Variants in NDUFAF3 observed in about 807,000 individuals in gnomAD.
The protein encoded by NDUFAF3 is NADH dehydrogenase [ubiquinone] 1 alpha subcomplex assembly factor 3.
Under a neutral mutation model 22.6 loss-of-function variants are expected in NDUFAF3, and 21 were observed. The ratio of observed to expected loss-of-function variants is 0.93; its 90% CI spans 0.66 to 1.34. The LOEUF (loss-of-function observed/expected upper bound fraction) is 1.34, where lower values mean the gene tolerates loss of function less well. Ranked by LOEUF, NDUFAF3 falls within the 40% of genes most tolerant of loss-of-function variation. NDUFAF3 has a pLI of 0.00. For missense variants in NDUFAF3, 251 were observed against 248.4 expected, an observed-to-expected ratio of 1.01 and a Z score of -0.07; for synonymous variants, 113 against 104.9, an observed-to-expected ratio of 1.08 and a Z score of -0.47.
rs2093180750 is a variant in NDUFAF3 at position 49,023,381 on chromosome 3, A to G, written c.*209A>G. On this transcript the variant is annotated 3_prime_UTR_variant, in exon 5 of 5. Coordinates refer to ENST00000326925, the MANE Select transcript of NDUFAF3 (RefSeq NM_199069.2). ...AAACCAAGGAGTCACTTTTTCATCT[A>G]GATTACTTAGGATTCCTTGACTTTT... 1.6e-6 allele frequency: 1 copy of G among 620,192 alleles called. No individual in the cohort carries two copies. 38.4% of individuals were successfully genotyped at this position (620,192 alleles called of 1,614,324 possible).
At chr3:49,021,327 A>G (rs1052698971), upstream of NDUFAF3, 2 of 152,290 alleles carry the variant, frequency 1.3e-5, no homozygotes, top group Non-Finnish European at 2.9e-5. This position sits in a 1 kb window ranked among gnomAD's most constrained non-coding sequence, Gnocchi z 4.1. Flanking sequence ...CTCTCGCGCC[A>G]GTAGGCCCTT....
rs553989286 is a variant in NDUFAF3 at position 49,022,652 on chromosome 3, G to C, written c.271-50G>C. 29 of 1,613,302 alleles carry C rather than the reference G, an allele frequency of 1.8e-5. No individual in the cohort carries two copies. The African/African-American group carries it at 3.7e-4, about 21-fold the overall frequency. On this transcript the variant is annotated intron_variant, in intron 2 of 4. Transcript: ENST00000326925. The surrounding 1 kb of genome is among the most constrained non-coding windows in gnomAD (Gnocchi z 6.6). ...CTCCTCCTGCAGTGGATGGAGATGG[G>C]GAGAGGCTGCGTGGATTTGTCGTAT...
At position 49,022,194 on chromosome 3, in the gene NDUFAF3, T is replaced by C. The variant is rs777258056; in HGVS notation, c.50T>C (p.Leu17Pro). ...AGCTTGTACCGAGCGCGACCCTCGCTGCGCTGTCCGCCCGTTGAGCTTCCC... is the reference window on the plus strand; with the variant it reads ...AGCTTGTACCGAGCGCGACCCTCGCCGCGCTGTCCGCCCGTTGAGCTTCCC... Reference protein sequence around the residue: ...LRSLYRARPSLRCPPVELPWA... With the variant: ...LRSLYRARPSPRCPPVELPWA... The change falls in exon 1 of 5, where the codon CTG becomes CCG. Residue 17 changes from leucine to proline, a missense_variant. Physicochemically the swap from Leu to Pro is moderately conservative, Grantham distance 98. Transcript: ENST00000326925. The surrounding 1 kb of genome is among the most constrained non-coding windows in gnomAD (Gnocchi z 6.6). The C allele has an allele frequency of 1.1e-5, 18 of 1,610,886 alleles. No homozygotes were observed. The highest frequency in any genetic ancestry group is 1.5e-5 in the Non-Finnish European group (18 of 1,179,664).
At position 49,023,134 on chromosome 3, in the gene NDUFAF3, G is replaced by A. The variant is rs751452220; in HGVS notation, c.517G>A (p.Gly173Arg). Residue 173 changes from glycine (G) to arginine (R), a missense_variant, in exon 5 of 5, where the codon GGG (glycine) becomes AGG (arginine). By Grantham distance (125) the Gly-to-Arg change is moderately radical. Coordinates refer to ENST00000326925, the MANE Select transcript of NDUFAF3 (RefSeq NM_199069.2). ...TGAALIPPPG[G>R]TSLTSLGQAA... ...AGCTGCTCTCATCCCTCCACCAGGA[G>A]GGACTTCACTTACATCTTTGGGCCA... 1.1e-5 allele frequency: 18 copies of A among 1,614,176 alleles called. No individual in the cohort carries two copies. In the South Asian group the frequency reaches 2.0e-4, roughly 18 times the overall value.
rs1445937687 is a variant in NDUFAF3 at position 49,022,195 on chromosome 3, G to T, written c.51G>T (p.Leu17=). The change falls in exon 1 of 5, where the codon CTG becomes CTT. Residue 17 remains leucine (L), a synonymous_variant. Transcript: ENST00000326925. The surrounding 1 kb of genome is among the most constrained non-coding windows in gnomAD (Gnocchi z 6.6). ...LRSLYRARPS[L]RCPPVELPWA... is the part of the protein sequence containing the mutation. Reference sequence around the variant, plus strand: ...GCTTGTACCGAGCGCGACCCTCGCTGCGCTGTCCGCCCGTTGAGCTTCCCT... The same window carrying T: ...GCTTGTACCGAGCGCGACCCTCGCTTCGCTGTCCGCCCGTTGAGCTTCCCT... 1.2e-6 allele frequency: 2 copies of T among 1,610,680 alleles called. No homozygotes were observed. Among genetic ancestry groups the T allele is most frequent in the South Asian group, 2.2e-5 (2 of 91,078 alleles).
At position 49,022,747 on chromosome 3, in the gene NDUFAF3, T is replaced by C; in HGVS notation, c.316T>C (p.Trp106Arg). Residue 106 changes from tryptophan (W) to arginine (R), a missense_variant, in exon 3 of 5, where the codon TGG becomes CGG. Coordinates refer to ENST00000326925, the MANE Select transcript of NDUFAF3 (RefSeq NM_199069.2). This position sits in a 1 kb window ranked among gnomAD's most constrained non-coding sequence, Gnocchi z 6.6. The part of the protein sequence containing the change: ...DITEDSFSLF[W>R]LLEPRIEIVV... The stretch of plus-strand genomic sequence containing the variant: ...CACCGAAGACAGCTTTTCCCTCTTC[T>C]GGTTGCTGGAGCCCCGGATAGGTAC... 6.2e-7 allele frequency: 1 copy of C among 1,614,026 alleles called. No individual in the cohort carries two copies. The highest frequency in any genetic ancestry group is 8.5e-7 in the Non-Finnish European group (1 of 1,180,000).
At chr3:49,020,957 C>T (rs2093150997), upstream of NDUFAF3, 1 of 170,756 alleles carries the variant, frequency 5.9e-6, no homozygotes, top group Non-Finnish European at 1.3e-5. Context: ...GAAGCCTGGG[C>T]CACTGGTGCG....
Position 49,022,251 on chromosome 3 carries a change from C to T in NDUFAF3, c.77+30C>T, listed in dbSNP as rs368784748. The T allele has an allele frequency of 1.9e-6, 3 of 1,609,714 alleles. No individual in the cohort carries two copies. Among genetic ancestry groups the T allele is most frequent in the Non-Finnish European group, 2.5e-6 (3 of 1,179,410 alleles). On this transcript the variant is annotated intron_variant, in intron 1 of 4. Transcript: ENST00000326925. This position sits in a 1 kb window ranked among gnomAD's most constrained non-coding sequence, Gnocchi z 6.6. Reference sequence around the variant, plus strand: ...GCTTGGACCCCGCGCCCTCGACCATCCAGCCCCCTAGGGCCGGCGACTGCC... The same window carrying T: ...GCTTGGACCCCGCGCCCTCGACCATTCAGCCCCCTAGGGCCGGCGACTGCC...
At position 49,022,758 on chromosome 3, in the gene NDUFAF3, GC is replaced by G. The variant is rs1327597362; in HGVS notation, c.331del (p.Arg111GlyfsTer2). 28 of 1,613,934 alleles carry G rather than the reference GC, an allele frequency of 1.7e-5. No homozygotes were observed. The highest frequency in any genetic ancestry group is 2.4e-5 in the Non-Finnish European group (28 of 1,180,040). On this transcript the variant is annotated frameshift_variant, in exon 3 of 5. Coordinates refer to ENST00000326925, the MANE Select transcript of NDUFAF3 (RefSeq NM_199069.2). LOFTEE classifies it high-confidence loss of function. This position sits in a 1 kb window ranked among gnomAD's most constrained non-coding sequence, Gnocchi z 6.6. Reference sequence around the variant, plus strand: ...GCTTTTCCCTCTTCTGGTTGCTGGAGCCCCGGATAGGTACTGGGGAAGGGGA... The same window carrying G: ...GCTTTTCCCTCTTCTGGTTGCTGGAGCCCGGATAGGTACTGGGGAAGGGGA... ...DSFSLFWLLE[P>X]RIEIVVVGTG... is the part of the protein sequence containing the mutation.
At chr3:49,020,823 TCTAGAGGGAACAAGACGCTCAC>T, upstream of NDUFAF3, 1 of 366,462 alleles carries the variant, frequency 2.7e-6, no homozygotes, top group Admixed American at 3.4e-5. Context: ...TGAAACGGAG[TCTAGAGGGAACAAGACGCTCAC>T]CTGGGCCACA....
At chr3:49,021,452 G>A (rs2093156199), upstream of NDUFAF3, 1 of 153,272 alleles carries the variant, frequency 6.5e-6, no homozygotes, top group African/African-American at 2.4e-5. This position sits in a 1 kb window ranked among gnomAD's most constrained non-coding sequence, Gnocchi z 4.1. Flanking sequence ...GCCTGGTCTG[G>A]GCCAGCCGAA....
Position 49,022,803 on chromosome 3 carries a change from T to C in NDUFAF3, c.337+35T>C. On this transcript the variant is annotated intron_variant, in intron 3 of 4. Transcript: ENST00000326925. This position sits in a 1 kb window ranked among gnomAD's most constrained non-coding sequence, Gnocchi z 6.6. ...AAGGGGAGGGAGAACAGAGGTGTTC[T>C]GGGCCCCAGAAGGCGACCCCCACTG... 6.2e-7 allele frequency: 1 copy of C among 1,613,676 alleles called. No individual in the cohort carries two copies. The highest frequency in any genetic ancestry group is 8.5e-7 in the Non-Finnish European group (1 of 1,179,934).
Position 49,022,209 on chromosome 3 carries a change from T to C in NDUFAF3, c.65T>C (p.Val22Ala), listed in dbSNP as rs769035035. The C allele has an allele frequency of 1.2e-6, 2 of 1,610,884 alleles. No individual in the cohort carries two copies. Among genetic ancestry groups the C allele is most frequent in the Admixed American group, 1.7e-5 (1 of 59,982 alleles). The change falls in exon 1 of 5, where the codon GTT becomes GCT. Residue 22 changes from valine (V) to alanine (A), a missense_variant. Val to Ala is a moderately conservative substitution (Grantham distance 64). Transcript: ENST00000326925. This position sits in a 1 kb window ranked among gnomAD's most constrained non-coding sequence, Gnocchi z 6.6. ...CGACCCTCGCTGCGCTGTCCGCCCG[T>C]TGAGCTTCCCTGGTGAGCTTGGACC... ...RARPSLRCPP[V>A]ELPWAPRRGH...
upstream of NDUFAF3, chr3:49,021,982 G>C: frequency 1.4e-6 from 1 of 699,940 alleles, no homozygotes; most frequent in Non-Finnish European, 2.4e-6. This position sits in a 1 kb window ranked among gnomAD's most constrained non-coding sequence, Gnocchi z 4.1. Context: ...CGGGGAACTC[G>C]GCCTCCTAAG....
At position 49,023,264 on chromosome 3, in the gene NDUFAF3, C is replaced by G. The variant is rs890609914; in HGVS notation, c.*92C>G. The G allele has an allele frequency of 5.0e-6, 5 of 1,006,876 alleles. No homozygotes were observed. The African/African-American group carries it at 6.3e-5, about 13-fold the overall frequency. 62.4% of individuals were successfully genotyped at this position (1,006,876 alleles called of 1,614,324 possible). A position where few individuals can be genotyped will look rare whatever the true frequency, so the allele number is the denominator to read the frequency against. On this transcript the variant is annotated 3_prime_UTR_variant, in exon 5 of 5. Transcript: ENST00000326925. ...CTTTGGCACTTATCTTGCTTATCAACATAATAATTTATACACTTCTCCCAT... is the reference window on the plus strand; with the variant it reads ...CTTTGGCACTTATCTTGCTTATCAAGATAATAATTTATACACTTCTCCCAT...
rs1197003622 is a variant in NDUFAF3, at chr3:49,022,992, G to C, written c.438+16G>C. On this transcript the variant is annotated intron_variant, in intron 4 of 4. Coordinates refer to ENST00000326925, the MANE Select transcript of NDUFAF3 (RefSeq NM_199069.2). This position sits in a 1 kb window ranked among gnomAD's most constrained non-coding sequence, Gnocchi z 6.6. ...GCAGGACACGGTGAGTCCCGGGACTGGGGCATGCTGCGGGGAGCACAGGCC... is the reference window on the plus strand; with the variant it reads ...GCAGGACACGGTGAGTCCCGGGACTCGGGCATGCTGCGGGGAGCACAGGCC... 5 of 1,613,924 alleles carry C rather than the reference G, an allele frequency of 3.1e-6. No homozygotes were observed. The East Asian group carries it at 1.1e-4, about 36-fold the overall frequency.
chr3:49,020,829 G>C, upstream of NDUFAF3: 1 of 363,144 alleles, frequency 2.8e-6, no homozygotes, highest in Non-Finnish European at 5.8e-6. Context: ...GGAGTCTAGA[G>C]GGAACAAGAC....
At position 49,022,309 on chromosome 3, in the gene NDUFAF3, G is replaced by C. The variant is rs201706229; in HGVS notation, c.78-37G>C. 92 of 1,606,968 alleles carry C rather than the reference G, an allele frequency of 5.7e-5. 1 individual carries two copies. The East Asian group carries it at 1.2e-3, about 20-fold the overall frequency. On this transcript the variant is annotated intron_variant, in intron 1 of 4. Coordinates refer to ENST00000326925, the MANE Select transcript of NDUFAF3 (RefSeq NM_199069.2). This position sits in a 1 kb window ranked among gnomAD's most constrained non-coding sequence, Gnocchi z 6.6. The stretch of plus-strand genomic sequence containing the variant: ...CACCTTCCGGCCTCTCGGGCTGCCC[G>C]GCCCGGCCCCGCGCCCCTGACCCTT...
upstream of NDUFAF3, chr3:49,020,820 G>T (rs2093149322): frequency 5.4e-6 from 2 of 369,122 alleles, no homozygotes; most frequent in African/African-American, 4.2e-5. Flanking sequence ...TTGTGAAACG[G>T]AGTCTAGAGG....
Sources: gnomAD v4.1 joint callset for allele counts on GRCh38, gnomAD v4.1.1 for gene constraint, Gnocchi (gnomAD v3.1) non-coding constraint, MANE v1.5 for transcripts, NCBI Gene and HGNC (gene_info 2026-07-23, HGNC 2026-07-21) for gene names.